Variants in ABL2 observed in about 807,000 individuals in gnomAD.
The protein encoded by ABL2 is tyrosine-protein kinase ABL2.
Under a neutral mutation model 107.7 loss-of-function variants are expected in ABL2, and 49 were observed. The ratio of observed to expected loss-of-function variants is 0.45; its 90% CI spans 0.36 to 0.58. The LOEUF is 0.58. Ranked by LOEUF, ABL2 falls within the 20% of genes least tolerant of loss-of-function variation. ABL2 has a pLI of 0.00. For missense variants in ABL2, 1,245 were observed against 1,457.0 expected (o/e 0.85, Z 2.37); for synonymous variants, 549 against 548.6 (o/e 1.00, Z -0.01).
At chr1:179,118,057 G>A (rs1161067457) in intron 7 of ABL2, among the ~76,000 whole-genome samples, 4 of 152,042 alleles carry the variant, frequency 2.6e-5, no homozygotes, top group Non-Finnish European at 5.9e-5. Flanking sequence ...GGAGGCTGAG[G>A]TGGGAGGATG....
At chr1:179,185,305 TTGCAGTTTAAGG>T (rs1660620280) in intron 1 of ABL2, among the ~76,000 whole-genome samples, 1 of 152,226 alleles carries the variant, frequency 6.6e-6, no homozygotes, top group Non-Finnish European at 1.5e-5. Context: ...ACAGACATCC[TTGCAGTTTAAGG>T]TAATACTTTT....
At chr1:179,116,915 C>T (rs1654700645) in intron 8 of ABL2, 2 of 231,224 alleles carry the variant, frequency 8.6e-6, no homozygotes, top group Admixed American at 5.1e-5. Context: ...TCACTGCAAC[C>T]TCTGCCCTCC....
intron 1 of ABL2, among the ~76,000 whole-genome samples, chr1:179,218,779 T>G (rs992675651): frequency 9.9e-5 from 15 of 152,138 alleles, no homozygotes; most frequent in African/African-American, 3.6e-4. Flanking sequence ...ACCTGAAAAT[T>G]TGCCAGAAAT....
At chr1:179,202,017 G>A (rs369379867) in intron 1 of ABL2, 4 of 649,894 alleles carry the variant, frequency 6.2e-6, no homozygotes, top group African/African-American at 3.8e-5. Flanking sequence ...CCAAGGGATG[G>A]ACATCTTGTC....
Position 179,105,790 on chromosome 1 carries a change from T to C in ABL2, c.*1928A>G. The C allele has an allele frequency of 4.4e-6, 1 of 225,734 alleles. No individual in the cohort carries two copies. The highest frequency in any genetic ancestry group is 8.8e-6 in the Non-Finnish European group (1 of 113,342). The allele number at this position is 225,734 out of a possible 1,614,324, so 14.0% of individuals were successfully genotyped here. ...AAAATGCCAAACTCTATTCAAAACA[T>C]AGTTTTCCCCTTAGTATTCTAGCCC... On this transcript the variant is annotated 3_prime_UTR_variant, in exon 12 of 12. Coordinates refer to ENST00000502732, the MANE Select transcript of ABL2 (RefSeq NM_007314.4).
chr1:179,196,519 AG>A (rs1437990902), intron 1 of ABL2: 3 of 152,338 alleles, frequency 2.0e-5, no homozygotes, highest in African/African-American at 7.2e-5. Context: ...TGACCCTCTC[AG>A]GAAGTAGCAA....
chr1:179,105,738 A>G lies in ABL2; in HGVS notation c.*1980T>C, dbSNP rs528037313. The G allele has an allele frequency of 8.9e-6, 2 of 225,974 alleles. No individual in the cohort carries two copies. Among genetic ancestry groups the G allele is most frequent in the South Asian group, 1.8e-4 (1 of 5,470 alleles). The allele number at this position is 225,974 out of a possible 1,614,324, so 14.0% of individuals were successfully genotyped here. Reference sequence around the variant, plus strand: ...AGAATCAAGGTTTCCTTTCTTTCCAATGAAAACTCAATTTTGTTCTTGGTC... The same window carrying G: ...AGAATCAAGGTTTCCTTTCTTTCCAGTGAAAACTCAATTTTGTTCTTGGTC... On this transcript the variant is annotated 3_prime_UTR_variant, in exon 12 of 12. Coordinates refer to ENST00000502732, the MANE Select transcript of ABL2 (RefSeq NM_007314.4).
rs28913869 is a variant in ABL2, at chr1:179,118,498, A to G, written c.1223+89T>C. ...AAAATTACTTTCTTGAATCATCTGA[A>G]ATTTTCTGGGAAGGTTCTCACATTC... On this transcript the variant is annotated intron_variant, in intron 7 of 11. Coordinates refer to ENST00000502732, the MANE Select transcript of ABL2 (RefSeq NM_007314.4). The G allele has an allele frequency of 1.5e-3, 2,039 of 1,364,554 alleles. 21 individuals carry two copies. The African/African-American group carries it at 0.026, about 17-fold the overall frequency. 84.5% of individuals were successfully genotyped at this position (1,364,554 alleles called of 1,614,324 possible). A position where few individuals can be genotyped will look rare whatever the true frequency, so the allele number is the denominator to read the frequency against.
At chr1:179,164,701 G>C (rs560893462) in intron 1 of ABL2, among the ~76,000 whole-genome samples, 2 of 152,226 alleles carry the variant, frequency 1.3e-5, no homozygotes, top group African/African-American at 4.8e-5. Context: ...ACAATCCTTT[G>C]TAACCCAAGC....
rs527839680 is a variant in ABL2, at chr1:179,166,353, G to A, written c.158-32979C>T. Among the ~76,000 whole-genome samples, 6 of 140,042 alleles carry A rather than the reference G, an allele frequency of 4.3e-5. No individual in the cohort carries two copies. The South Asian group carries it at 8.8e-4, about 20-fold the overall frequency. The allele number at this position is 140,042 out of a possible 152,430, so 91.9% of individuals were successfully genotyped here. On this transcript the variant is annotated intron_variant, in intron 1 of 11. Coordinates refer to ENST00000502732, the MANE Select transcript of ABL2 (RefSeq NM_007314.4). The stretch of plus-strand genomic sequence containing the variant: ...TATTTGCAAACTATTCATCTTATAA[G>A]GAACTAATACTCAGAATATACAAAG...
chr1:179,201,779 C>T, intron 1 of ABL2: 1 of 894,012 alleles, frequency 1.1e-6, no homozygotes, highest in African/African-American at 1.7e-5. Flanking sequence ...ATTATATCCA[C>T]AGAATCGGTT....
rs917541814 is a variant in ABL2, at chr1:179,115,135, TACA to T, written c.1409-108_1409-106del. 2.6e-4 allele frequency: 267 copies of T among 1,023,922 alleles called. 2 individuals carry two copies. The highest frequency in any genetic ancestry group is 2.1e-3 in the East Asian group (83 of 38,648). The allele number at this position is 1,023,922 out of a possible 1,614,324, so 63.4% of individuals were successfully genotyped here. A position where few individuals can be genotyped will look rare whatever the true frequency, so the allele number is the denominator to read the frequency against. On this transcript the variant is annotated intron_variant, in intron 8 of 11. Coordinates refer to ENST00000502732, the MANE Select transcript of ABL2 (RefSeq NM_007314.4). ...ATTTTAGGTAACATTCACACACTGT[TACA>T]ACAACATTAATATATAATATACTCT...
At chr1:179,209,613 T>C (rs1282420325) in intron 1 of ABL2, among the ~76,000 whole-genome samples, 1 of 152,206 alleles carries the variant, frequency 6.6e-6, no homozygotes, top group African/African-American at 2.4e-5. Flanking sequence ...CCAAGTATCA[T>C]TTACCCATCT....
intron 1 of ABL2, among the ~76,000 whole-genome samples, chr1:179,154,400 G>A (rs1006533649): frequency 6.6e-6 from 1 of 152,064 alleles, no homozygotes; most frequent in South Asian, 2.1e-4. Flanking sequence ...CTTGTCTTTC[G>A]ACTCTATCCT....
intron 1 of ABL2, among the ~76,000 whole-genome samples, chr1:179,151,677 CT>C (rs1158099413): frequency 6.6e-6 from 1 of 152,148 alleles, no homozygotes; most frequent in East Asian, 1.9e-4. Flanking sequence ...TATTTCTCAA[CT>C]TTTTTTTCAT....
chr1:179,174,928 A>G lies in ABL2; in HGVS notation c.158-41554T>C, dbSNP rs1659962170. Among the ~76,000 whole-genome samples the G allele has an allele frequency of 2.0e-5, 3 of 148,298 alleles. No individual in the cohort carries two copies. The South Asian group carries it at 6.3e-4, about 31-fold the overall frequency. On this transcript the variant is annotated intron_variant, in intron 1 of 11. Coordinates refer to ENST00000502732, the MANE Select transcript of ABL2 (RefSeq NM_007314.4). ...AAAAAATAAAATAAAAAAAATAATAATAATAATAATAATAATTCTATTGGT... is the reference window on the plus strand; with the variant it reads ...AAAAAATAAAATAAAAAAAATAATAGTAATAATAATAATAATTCTATTGGT...
At position 179,229,632 on chromosome 1, in the gene ABL2, A is replaced by ACGC. The variant is rs3046363; in HGVS notation, c.-238_-236dup. 6,497 of 449,178 alleles carry ACGC rather than the reference A, an allele frequency of 0.014. 145 individuals carry two copies. Among genetic ancestry groups the ACGC allele is most frequent in the Admixed American group, 0.076 (1,627 of 21,542 alleles). The allele number at this position is 449,178 out of a possible 1,614,324, so 27.8% of individuals were successfully genotyped here. On this transcript the variant is annotated 5_prime_UTR_variant, in exon 1 of 12. Coordinates refer to ENST00000502732, the MANE Select transcript of ABL2 (RefSeq NM_007314.4). Reference sequence around the variant, plus strand: ...CTCCTGTCGCGGCTCCGCGCCCCCAACGCCGCCGCCGCCGCCGCCGCCACC... The same window carrying ACGC: ...CTCCTGTCGCGGCTCCGCGCCCCCAACGCCGCCGCCGCCGCCGCCGCCGCCACC...
chr1:179,221,109 G>A, intron 1 of ABL2: 1 of 243,076 alleles, frequency 4.1e-6, no homozygotes, highest in Non-Finnish European at 8.6e-6. Context: ...AGATGTGAAA[G>A]CCAGACAGGC....
chr1:179,214,684 A>G (rs1662466275), intron 1 of ABL2, among the ~76,000 whole-genome samples: 1 of 151,860 alleles, frequency 6.6e-6, no homozygotes, highest in Non-Finnish European at 1.5e-5. Context: ...CAAATTACAA[A>G]CATAAAGAAA....
Sources: gnomAD v4.1 joint callset for allele counts (sites outside exome capture counted in the v4.1 genomes callset) on GRCh38, gnomAD v4.1.1 for gene constraint, MANE v1.5 for transcripts, NCBI Gene and HGNC (gene_info 2026-07-23, HGNC 2026-07-21) for gene names.